Variants in TNRC6C observed in about 807,000 individuals in gnomAD.
TNRC6C encodes trinucleotide repeat containing adaptor 6C, also known as trinucleotide repeat-containing gene 6C protein.
TNRC6C carries 20 observed loss-of-function variants against 153.7 expected under a neutral mutation model. The ratio of observed to expected loss-of-function variants is 0.13; its 90% CI spans 0.09 to 0.19. TNRC6C has a LOEUF of 0.19. TNRC6C is among the 10% of genes least tolerant of loss of function. The pLI is 1.00. For missense variants in TNRC6C, 1,987 were observed against 2,172.0 expected, an observed-to-expected ratio of 0.91 and a Z score of 1.69; for synonymous variants, 811 against 841.4, an observed-to-expected ratio of 0.96 and a Z score of 0.63.
chr17:77,998,784 G>A (rs550219536), intron 1 of TNRC6C, among the ~76,000 whole-genome samples: 11 of 152,208 alleles, frequency 7.2e-5, no homozygotes, highest in Middle Eastern at 6.8e-3. Context: ...GTTGTCTTTC[G>A]CCCTGACAGT....
chr17:78,058,311 A>C (rs1419230534), intron 3 of TNRC6C, among the ~76,000 whole-genome samples: 1 of 152,232 alleles, frequency 6.6e-6, no homozygotes, highest in Non-Finnish European at 1.5e-5. Flanking sequence ...GATCCTAAAA[A>C]TACTCAGCAA....
chr17:77,988,045 C>T (rs1449996842), intron 1 of TNRC6C, among the ~76,000 whole-genome samples: 1 of 151,686 alleles, frequency 6.6e-6, no homozygotes, highest in Non-Finnish European at 1.5e-5. Flanking sequence ...CAGTACTGTG[C>T]CAATTAGAAA....
At chr17:77,989,775 G>C (rs1488602222) in intron 1 of TNRC6C, among the ~76,000 whole-genome samples, 1 of 152,184 alleles carries the variant, frequency 6.6e-6, no homozygotes, top group Non-Finnish European at 1.5e-5. Flanking sequence ...ATGTTTGAAT[G>C]AGTGAATCAT....
chr17:78,041,699 C>T (rs2072299275), intron 2 of TNRC6C, among the ~76,000 whole-genome samples: 1 of 152,192 alleles, frequency 6.6e-6, no homozygotes, highest in African/African-American at 2.4e-5. Context: ...GGGGAGGCAT[C>T]TTTGGTTTTC....
chr17:78,053,317 G>T lies in TNRC6C; in HGVS notation c.2395+1860G>T, dbSNP rs142311730. Among the ~76,000 whole-genome samples, 426 of 152,230 alleles carry T rather than the reference G, an allele frequency of 2.8e-3. 4 individuals carry two copies. The highest frequency in any genetic ancestry group is 1.0e-2 in the African/African-American group (415 of 41,530). On this transcript the variant is annotated intron_variant, in intron 3 of 19. Coordinates refer to ENST00000301624, the Ensembl canonical transcript of TNRC6C. ...GGGGGATAAGGAGAAGCAGGAAGAAGGAAAATGAAGGGATTTGAAAAATAA... is the reference window on the plus strand; with the variant it reads ...GGGGGATAAGGAGAAGCAGGAAGAATGAAAATGAAGGGATTTGAAAAATAA...
chr17:78,086,360 A>AC (rs2073289317), intron 11 of TNRC6C, 143 bp from the exon 14 acceptor site: 7 of 287,268 alleles, frequency 2.4e-5, no homozygotes, highest in Non-Finnish European at 4.0e-5. Context: ...AAAAAAAAAA[A>AC]CAGTATGTGT....
At chr17:77,983,679 C>T (rs376781806) in intron 1 of TNRC6C, among the ~76,000 whole-genome samples, 6 of 152,126 alleles carry the variant, frequency 3.9e-5, no homozygotes, top group South Asian at 2.1e-4. Flanking sequence ...ACCATCCATG[C>T]GTTCATAACC....
intron 16 of TNRC6C, among the ~76,000 whole-genome samples, chr17:78,097,443 A>T (rs2073507688): frequency 6.6e-6 from 1 of 151,760 alleles, no homozygotes; most frequent in African/African-American, 2.4e-5. Context: ...GTCCTTTAAA[A>T]CTCTTAAAAC....
chr17:78,088,100 C>T (rs2073329532), intron 13 of TNRC6C, among the ~76,000 whole-genome samples: 1 of 152,328 alleles, frequency 6.6e-6, no homozygotes, highest in Admixed American at 6.5e-5. Context: ...AGATAATATT[C>T]ATTTATCTAA....
At chr17:78,068,070 G>A (rs1212709569) in intron 5 of TNRC6C, 147 bp downstream of exon 7, 3 of 864,914 alleles carry the variant, frequency 3.5e-6, no homozygotes, top group African/African-American at 3.4e-5. Flanking sequence ...ACCCTTTCAG[G>A]GGAGTAAGCA....
chr17:78,017,733 C>G (rs1323089860), intron 1 of TNRC6C, among the ~76,000 whole-genome samples: 1 of 152,230 alleles, frequency 6.6e-6, no homozygotes, highest in Non-Finnish European at 1.5e-5. Flanking sequence ...CTCTGCCTAC[C>G]TCTCCAGCCT....
intron 5 of TNRC6C, 56 bp from the exon 8 acceptor site, chr17:78,071,029 A>C: frequency 6.7e-7 from 1 of 1,497,650 alleles, no homozygotes; most frequent in Non-Finnish European, 9.1e-7. Flanking sequence ...CATTTCTGGT[A>C]GAAATGCATT....
intron 1 of TNRC6C, among the ~76,000 whole-genome samples, chr17:78,017,814 A>G (rs1169593260): frequency 2.0e-5 from 3 of 152,196 alleles, no homozygotes; most frequent in Non-Finnish European, 4.4e-5. Flanking sequence ...GGGCCTTCCC[A>G]TGCACTGTCT....
At chr17:78,099,996 G>A (rs2073560697) in intron 17 of TNRC6C, among the ~76,000 whole-genome samples, 1 of 152,252 alleles carries the variant, frequency 6.6e-6, no homozygotes, top group African/African-American at 2.4e-5. Flanking sequence ...CAGCAGGGCA[G>A]TCAAATCTCA....
intron 1 of TNRC6C, among the ~76,000 whole-genome samples, chr17:78,017,239 AT>A (rs1263153844): frequency 6.6e-6 from 1 of 152,186 alleles, no homozygotes; most frequent in Non-Finnish European, 1.5e-5. Context: ...TTCTAAATAA[AT>A]TTTTAAAGAA....
intron 1 of TNRC6C, among the ~76,000 whole-genome samples, chr17:77,959,810 C>T (rs2070846797): frequency 6.6e-6 from 1 of 152,194 alleles, no homozygotes; most frequent in African/African-American, 2.4e-5. Context: ...AGCCGTACAA[C>T]ATCTGTCCTG....
At chr17:78,043,056 T>C (rs904430539) in intron 2 of TNRC6C, among the ~76,000 whole-genome samples, 1 of 152,178 alleles carries the variant, frequency 6.6e-6, no homozygotes, top group Non-Finnish European at 1.5e-5. Context: ...TCAGTAAAAT[T>C]AATTTGTGAA....
exon 18 of TNRC6C, chr17:78,102,503 A>G (rs2073615539): frequency 6.2e-7 from 1 of 1,607,850 alleles, no homozygotes; most frequent in African/African-American, 1.3e-5. Context: ...CACCTCAGGA[A>G]GAACCAGCAG....
chr17:78,022,874 ATGTAC>A (rs1231780674), intron 1 of TNRC6C, among the ~76,000 whole-genome samples: 3 of 152,254 alleles, frequency 2.0e-5, no homozygotes, highest in Admixed American at 1.3e-4. Flanking sequence ...GATGCAGTGC[ATGTAC>A]TGTACATGTG....
Sources: gnomAD v4.1 joint callset for allele counts (sites outside exome capture counted in the v4.1 genomes callset) on GRCh38, gnomAD v4.1.1 for gene constraint, MANE v1.5 for transcripts, NCBI Gene and HGNC (gene_info 2026-07-23, HGNC 2026-07-21) for gene names.